Variants in PLAC1 observed in about 807,000 individuals in gnomAD.
The protein encoded by PLAC1 is placenta associated 1, also known as placenta-specific protein 1.
For missense variants in PLAC1, 136 were observed against 163.2 expected (o/e 0.83, Z 0.91); for synonymous variants, 68 against 62.1 (o/e 1.09, Z -0.44).
At chrX:134,763,499 T>C (rs2078775768) in intron 1 of PLAC1, among the ~76,000 whole-genome samples, 1 of 111,250 alleles carries the variant, frequency 9.0e-6, no homozygotes, top group African/African-American at 3.3e-5. Context: ...GTTCCTGACC[T>C]GTCTTACCAC....
intron 1 of PLAC1, among the ~76,000 whole-genome samples, chrX:134,756,603 A>G (rs1158300671): frequency 1.8e-5 from 2 of 110,596 alleles, no homozygotes; most frequent in African/African-American, 6.6e-5. Context: ...TAATCCCAGC[A>G]CTTTGGGAGG....
chrX:134,647,539 C>A (rs1367901715), intron 1 of PLAC1, among the ~76,000 whole-genome samples: 1 of 108,418 alleles, frequency 9.2e-6, no homozygotes, highest in African/African-American at 3.4e-5. Context: ...GCTTGGCTAG[C>A]CTGCTGGATG....
At chrX:134,737,629 T>C (rs5975475) in intron 1 of PLAC1, among the ~76,000 whole-genome samples, 5,089 of 112,075 alleles carry the variant, frequency 0.045, 90 homozygotes, top group African/African-American at 0.066. Context: ...CTGCCCCTAA[T>C]TGGGAGCACC....
At chrX:134,752,556 C>T (rs1296961776) in intron 1 of PLAC1, among the ~76,000 whole-genome samples, 1 of 110,970 alleles carries the variant, frequency 9.0e-6, no homozygotes, top group Non-Finnish European at 1.9e-5. Flanking sequence ...TTTCAACAGA[C>T]ACATTGCTCT....
intron 2 of PLAC1, among the ~76,000 whole-genome samples, chrX:134,681,568 T>A (rs1392698854): frequency 9.0e-6 from 1 of 111,707 alleles, no homozygotes; most frequent in Non-Finnish European, 1.9e-5. Context: ...GGAGTCTTTG[T>A]GCAAAGGAGC....
At chrX:134,738,801 T>A in intron 1 of PLAC1, among the ~76,000 whole-genome samples, 1 of 112,073 alleles carries the variant, frequency 8.9e-6, no homozygotes, top group Middle Eastern at 4.6e-3. Flanking sequence ...CAGAGTAGAG[T>A]TGTGGGGCTG....
At chrX:134,743,498 A>T (rs1034462959) in intron 1 of PLAC1, among the ~76,000 whole-genome samples, 39 of 111,488 alleles carry the variant, frequency 3.5e-4, no homozygotes, top group African/African-American at 1.3e-3. Flanking sequence ...TGGGGGAGAG[A>T]AGACTTCCAA....
intron 2 of PLAC1, among the ~76,000 whole-genome samples, chrX:134,675,140 C>A (rs1033087549): frequency 1.8e-5 from 2 of 111,996 alleles, no homozygotes; most frequent in Non-Finnish European, 3.8e-5. Flanking sequence ...TTGTTCTGAG[C>A]CCATAGACAG....
upstream of PLAC1, among the ~76,000 whole-genome samples, chrX:134,660,782 C>T (rs1446679650): frequency 3.6e-5 from 4 of 111,699 alleles, no homozygotes; most frequent in African/African-American, 1.3e-4. Flanking sequence ...TTGTGGGAAA[C>T]CATGAGTCCT....
rs188132292 is a variant in PLAC1, at chrX:134,574,984, C to T, written c.-58-8244G>A. On this transcript the variant is annotated intron_variant, in intron 2 of 2. Coordinates refer to ENST00000359237, the MANE Select transcript of PLAC1 (RefSeq NM_021796.4). ...TGTTCCTCCTGAGAGCAGACCTACA[C>T]ATCCACTCCCAGTTCCATACACAGA... Among the ~76,000 whole-genome samples, 339 of 111,652 alleles carry T rather than the reference C, an allele frequency of 3.0e-3. 1 individual carries two copies. Among genetic ancestry groups the T allele is most frequent in the African/African-American group, 0.01 (320 of 30,755 alleles).
At chrX:134,578,279 G>A (rs898286500) in intron 2 of PLAC1, among the ~76,000 whole-genome samples, 1 of 108,240 alleles carries the variant, frequency 9.2e-6, no homozygotes, top group African/African-American at 3.4e-5. Context: ...CAGGCGTGGT[G>A]GCGGGCGCCT....
chrX:134,744,625 C>T lies in PLAC1; in HGVS notation n.90-11106G>A, dbSNP rs188543746. ...ATATTGTTTTTGTCCATCGGAATAA[C>T]GTCCTGATTGTCACTAAAGGCTAGA... is the stretch of plus-strand genomic sequence containing the variant. On this transcript the variant is annotated intron_variant and non_coding_transcript_variant, in intron 1 of 2. Transcript: ENST00000466797. Among the ~76,000 whole-genome samples, 18 of 112,285 alleles carry T rather than the reference C, an allele frequency of 1.6e-4. No individual in the cohort carries two copies. The East Asian group carries it at 3.1e-3, about 19-fold the overall frequency.
chrX:134,664,098 G>A (rs188855543), intron 2 of PLAC1, among the ~76,000 whole-genome samples: 1 of 111,698 alleles, frequency 9.0e-6, no homozygotes, highest in East Asian at 2.8e-4. Flanking sequence ...CTCTGGCAGT[G>A]GAATTTAGAA....
At position 134,675,973 on chromosome X, in the gene PLAC1, A is replaced by G. The variant is rs891138001; in HGVS notation, n.174+57462T>C. Among the ~76,000 whole-genome samples, 4 of 111,857 alleles carry G rather than the reference A, an allele frequency of 3.6e-5. No homozygotes were observed. The East Asian group carries it at 1.1e-3, about 31-fold the overall frequency. ...TAGAACAAAGGAGTCTTTCTTTAGC[A>G]GAGTGACCTTCCATAAGTCACTTAA... is the stretch of plus-strand genomic sequence containing the variant. On this transcript the variant is annotated intron_variant and non_coding_transcript_variant, in intron 2 of 2. Transcript: ENST00000466797.
chrX:134,674,558 TG>T (rs1488153955), intron 2 of PLAC1, among the ~76,000 whole-genome samples: 1 of 112,473 alleles, frequency 8.9e-6, no homozygotes, highest in East Asian at 2.8e-4. Context: ...CTCAATCACA[TG>T]CACTGTGACC....
intron 2 of PLAC1, among the ~76,000 whole-genome samples, chrX:134,598,643 G>A (rs1246657360): frequency 9.6e-6 from 1 of 103,678 alleles, no homozygotes; most frequent in Non-Finnish European, 2.0e-5. Context: ...GGCTGAAGTG[G>A]TCGAGAAGGG....
chrX:134,576,605 T>C (rs2077940798), intron 2 of PLAC1, among the ~76,000 whole-genome samples: 1 of 110,736 alleles, frequency 9.0e-6, no homozygotes, highest in Non-Finnish European at 1.9e-5. Context: ...GTGTTCAGAA[T>C]GTGACTTTAT....
At chrX:134,614,291 T>TAC (rs1300914862) in intron 1 of PLAC1, among the ~76,000 whole-genome samples, 35 of 111,785 alleles carry the variant, frequency 3.1e-4, no homozygotes, top group African/African-American at 9.8e-4. Flanking sequence ...TATATATATA[T>TAC]ACAGTAAAAT....
chrX:134,621,049 C>T (rs751949647), intron 1 of PLAC1, among the ~76,000 whole-genome samples: 2 of 111,667 alleles, frequency 1.8e-5, no homozygotes, highest in East Asian at 5.6e-4. Flanking sequence ...CTCCTTCCTT[C>T]TCCCCTCTCC....
Sources: allele counts gnomAD v4.1 joint callset (sites outside exome capture counted in the v4.1 genomes callset), GRCh38; gene constraint gnomAD v4.1.1; transcripts MANE v1.5; gene names NCBI Gene and HGNC (gene_info 2026-07-23, HGNC 2026-07-21).